KCNQ5: variants seen among roughly 807,000 people sequenced by gnomAD.
The protein encoded by KCNQ5 is potassium voltage-gated channel subfamily KQT member 5.
A neutral mutation model predicts 98.2 loss-of-function variants in KCNQ5; 30 were observed. The ratio of observed to expected loss-of-function variants is 0.31; its 90% CI spans 0.23 to 0.41. The LOEUF (loss-of-function observed/expected upper bound fraction) is 0.41. Among genes scored for constraint, KCNQ5 ranks in the 10% least tolerant of loss-of-function variants. The pLI is 1.00. For missense variants in KCNQ5, 835 were observed against 1,182.5 expected (o/e 0.71, Z 4.31); for synonymous variants, 458 against 449.4 (o/e 1.02, Z -0.24).
At chr6:72,695,644 T>C (rs1768452738) in intron 1 of KCNQ5, among the ~76,000 whole-genome samples, 1 of 152,130 alleles carries the variant, frequency 6.6e-6, no homozygotes, top group South Asian at 2.1e-4. Context: ...ATATTACGTA[T>C]ATTGGATTAT....
chr6:72,838,813 G>A (rs12215753), intron 1 of KCNQ5, among the ~76,000 whole-genome samples: 17,844 of 150,714 alleles, frequency 0.12, 1,612 homozygotes, highest in East Asian at 0.42. Flanking sequence ...AGCCGGGCGT[G>A]GTAGCGGGCG....
At chr6:72,761,504 A>C (rs1180378300) in intron 1 of KCNQ5, among the ~76,000 whole-genome samples, 2 of 151,762 alleles carry the variant, frequency 1.3e-5, no homozygotes, top group African/African-American at 4.8e-5. Flanking sequence ...AATAATTAAC[A>C]TATGTACATG....
At chr6:72,935,637 G>A (rs532225496) in intron 1 of KCNQ5, among the ~76,000 whole-genome samples, 34 of 152,116 alleles carry the variant, frequency 2.2e-4, no homozygotes, top group African/African-American at 7.5e-4. Flanking sequence ...AAACACCTTG[G>A]CTCTGTTATC....
At chr6:73,054,212 C>G (rs2150368390) in intron 3 of KCNQ5, among the ~76,000 whole-genome samples, 1 of 151,998 alleles carries the variant, frequency 6.6e-6, no homozygotes, top group South Asian at 2.1e-4. Flanking sequence ...AAAAGCCTAC[C>G]AACCAGAAAA....
chr6:72,839,363 A>T (rs1022252483), intron 1 of KCNQ5, among the ~76,000 whole-genome samples: 2 of 152,180 alleles, frequency 1.3e-5, no homozygotes, highest in African/African-American at 4.8e-5. Context: ...GCTTTAAAAT[A>T]TTTGCCTTAT....
Position 73,077,695 on chromosome 6 carries a change from T to G in KCNQ5, c.793-67T>G. The G allele has an allele frequency of 2.0e-5, 29 of 1,434,876 alleles. No homozygotes were observed. In the South Asian group the frequency reaches 3.3e-4, roughly 16 times the overall value. 88.9% of individuals were successfully genotyped at this position (1,434,876 alleles called of 1,614,324 possible). A position where few individuals can be genotyped will look rare whatever the true frequency, so the allele number is the denominator to read the frequency against. On this transcript the variant is annotated intron_variant, in intron 4 of 13. Transcript: ENST00000370398. ...AGTAGTAAAGTGAATAGAATCCTCA[T>G]AGAATTCTTTTTTCCTTTTTCAAAG...
intron 10 of KCNQ5, among the ~76,000 whole-genome samples, chr6:73,144,470 GC>G (rs1455197309): frequency 6.6e-6 from 1 of 152,142 alleles, no homozygotes; most frequent in Non-Finnish European, 1.5e-5. Context: ...TAATGCAGTA[GC>G]AATTGTTATA....
At chr6:72,623,591 C>G (rs2098916665) in intron 1 of KCNQ5, among the ~76,000 whole-genome samples, 1 of 152,138 alleles carries the variant, frequency 6.6e-6, no homozygotes, top group African/African-American at 2.4e-5. Context: ...TTACGTTTAT[C>G]TGGGCATTTT....
At chr6:72,835,548 G>A (rs1189729332) in intron 1 of KCNQ5, among the ~76,000 whole-genome samples, 2 of 152,090 alleles carry the variant, frequency 1.3e-5, no homozygotes, top group African/African-American at 4.8e-5. Context: ...CATGAGTAGA[G>A]TAAATTTATC....
At chr6:73,138,076 C>T (rs1582427580) in intron 10 of KCNQ5, among the ~76,000 whole-genome samples, 1 of 152,180 alleles carries the variant, frequency 6.6e-6, no homozygotes, top group African/African-American at 2.4e-5. Context: ...GGGGAAATGG[C>T]CTTTCAATGA....
chr6:73,074,835 A>G (rs1170787753), intron 3 of KCNQ5, among the ~76,000 whole-genome samples: 6 of 151,874 alleles, frequency 4.0e-5, no homozygotes, highest in East Asian at 1.9e-4. Flanking sequence ...CTGCACCCCT[A>G]CTAGCCATGT....
At chr6:72,886,439 A>C (rs1478558491) in intron 1 of KCNQ5, among the ~76,000 whole-genome samples, 2 of 152,200 alleles carry the variant, frequency 1.3e-5, no homozygotes, top group East Asian at 3.8e-4. Context: ...AAAAGGATGA[A>C]AAATATGAAA....
At chr6:73,025,181 G>A (rs1770816517) in intron 2 of KCNQ5, among the ~76,000 whole-genome samples, 1 of 152,120 alleles carries the variant, frequency 6.6e-6, no homozygotes, top group Admixed American at 6.5e-5. Context: ...ATATTCTAAA[G>A]ACATCCGAGC....
Position 73,133,322 on chromosome 6 carries a change from A to G in KCNQ5, c.1248-99A>G, listed in dbSNP as rs79981800. 1,458 of 982,310 alleles carry G rather than the reference A, an allele frequency of 1.5e-3. 4 individuals are homozygous for G. Among genetic ancestry groups the G allele is most frequent in the Admixed American group, 3.3e-3 (135 of 40,886 alleles). The allele number at this position is 982,310 out of a possible 1,614,324, so 60.8% of individuals were successfully genotyped here. On this transcript the variant is annotated intron_variant, in intron 9 of 13. Coordinates refer to ENST00000370398, the MANE Select transcript of KCNQ5 (RefSeq NM_019842.4). ...CCTACGTGCTGAAAACATCTTGTCT[A>G]TTGAAATATATGACCACATGAGCTT...
chr6:73,152,599 CT>C (rs1376716016), intron 10 of KCNQ5, among the ~76,000 whole-genome samples: 1 of 152,122 alleles, frequency 6.6e-6, no homozygotes, highest in Non-Finnish European at 1.5e-5. Flanking sequence ...CTTCTAGTTG[CT>C]TTTGAGCTCC....
chr6:72,823,042 A>G (rs1476426547), intron 1 of KCNQ5, among the ~76,000 whole-genome samples: 1 of 152,118 alleles, frequency 6.6e-6, no homozygotes, highest in African/African-American at 2.4e-5. Context: ...ACCCTCCCCA[A>G]GGGTCTTAAT....
intron 1 of KCNQ5, among the ~76,000 whole-genome samples, chr6:72,835,626 A>G (rs965152168): frequency 1.1e-4 from 17 of 152,316 alleles, no homozygotes; most frequent in Admixed American, 7.8e-4. Flanking sequence ...GCCAAGTGTC[A>G]TACATGTATT....
intron 7 of KCNQ5, among the ~76,000 whole-genome samples, chr6:73,118,061 T>G (rs1775579568): frequency 6.6e-6 from 1 of 152,202 alleles, no homozygotes; most frequent in African/African-American, 2.4e-5. Context: ...TTTATGTCAC[T>G]TTCTGAAATT....
At chr6:72,796,931 A>G (rs1032909122) in intron 1 of KCNQ5, among the ~76,000 whole-genome samples, 1 of 152,226 alleles carries the variant, frequency 6.6e-6, no homozygotes, top group Non-Finnish European at 1.5e-5. Flanking sequence ...ATTCTCAGGC[A>G]GATGAGTCCC....
Sources: gnomAD v4.1 joint callset for allele counts (sites outside exome capture counted in the v4.1 genomes callset) on GRCh38, gnomAD v4.1.1 for gene constraint, MANE v1.5 for transcripts, NCBI Gene and HGNC (gene_info 2026-07-23, HGNC 2026-07-21) for gene names.